Variants in SEZ6L observed in about 807,000 individuals in gnomAD.
SEZ6L encodes seizure related 6 homolog like, also known as seizure 6-like protein.
A neutral mutation model predicts 106.2 loss-of-function variants in SEZ6L; 37 were observed. That is an observed-to-expected ratio of 0.35 (90% CI 0.27 to 0.46). The LOEUF is 0.46. Ranked by LOEUF, SEZ6L falls within the 20% of genes least tolerant of loss-of-function variation. The pLI is 1.00. For missense variants in SEZ6L, 1,172 were observed against 1,332.8 expected, an observed-to-expected ratio of 0.88 and a Z score of 1.88; for synonymous variants, 541 against 570.4, an observed-to-expected ratio of 0.95 and a Z score of 0.73.
At chr22:26,319,687 G>A (rs1437048953) in intron 9 of SEZ6L, among the ~76,000 whole-genome samples, 1 of 152,072 alleles carries the variant, frequency 6.6e-6, no homozygotes, top group Non-Finnish European at 1.5e-5. Flanking sequence ...AACACACTAC[G>A]CATTGTGGTG....
chr22:26,289,320 T>C (rs964749958), intron 1 of SEZ6L, among the ~76,000 whole-genome samples: 14 of 152,320 alleles, frequency 9.2e-5, no homozygotes, highest in Middle Eastern at 3.4e-3. Flanking sequence ...ACATCAATCA[T>C]TTTAGAAAAG....
chr22:26,239,299 T>G (rs996027563), intron 1 of SEZ6L, among the ~76,000 whole-genome samples: 1 of 152,064 alleles, frequency 6.6e-6, no homozygotes, highest in African/African-American at 2.4e-5. Flanking sequence ...AGGTCCCCTA[T>G]CCCCAGCACA....
At chr22:26,349,775 C>T (rs894519519) in intron 11 of SEZ6L, among the ~76,000 whole-genome samples, 4 of 152,290 alleles carry the variant, frequency 2.6e-5, no homozygotes, top group Admixed American at 6.5e-5. Context: ...CATGAGCCAC[C>T]GCACCCAGCA....
intron 2 of SEZ6L, among the ~76,000 whole-genome samples, chr22:26,293,734 C>A (rs688425): frequency 0.26 from 38,968 of 152,164 alleles, 5,739 homozygotes; most frequent in Non-Finnish European, 0.34. Flanking sequence ...CATCTTGGAA[C>A]GGAATTCTTC....
chr22:26,222,329 G>T (rs2078502140), intron 1 of SEZ6L, among the ~76,000 whole-genome samples: 2 of 152,204 alleles, frequency 1.3e-5, no homozygotes, highest in Non-Finnish European at 2.9e-5. Flanking sequence ...GAGGCACAGA[G>T]AGGTTAAGTG....
intron 1 of SEZ6L, among the ~76,000 whole-genome samples, chr22:26,229,242 C>G (rs1032584945): frequency 1.3e-5 from 2 of 152,154 alleles, no homozygotes; most frequent in African/African-American, 4.8e-5. Context: ...GGTGATCCAC[C>G]CGCCTTGGTC....
chr22:26,302,308 T>C (rs1397414125), intron 5 of SEZ6L, among the ~76,000 whole-genome samples: 1 of 152,186 alleles, frequency 6.6e-6, no homozygotes, highest in Non-Finnish European at 1.5e-5. Flanking sequence ...GGGTGACTCA[T>C]ATGCACATTA....
intron 5 of SEZ6L, among the ~76,000 whole-genome samples, chr22:26,304,408 GAAAGAAAGAAAGAAAGAAAGAA>G (rs1160771968): frequency 2.1e-5 from 3 of 143,348 alleles, no homozygotes; most frequent in African/African-American, 5.4e-5. Flanking sequence ...AAGAAAGAAA[GAAAGAAAGAAAGAAAGAAAGAA>G]AAAGAAAGGA....
At chr22:26,221,838 G>A (rs542504879) in intron 1 of SEZ6L, among the ~76,000 whole-genome samples, 2 of 152,196 alleles carry the variant, frequency 1.3e-5, no homozygotes, top group African/African-American at 4.8e-5. Flanking sequence ...CCCAAGTCAA[G>A]AAAGTTTCAT....
intron 1 of SEZ6L, among the ~76,000 whole-genome samples, chr22:26,287,412 G>C (rs1030566259): frequency 6.6e-6 from 1 of 152,094 alleles, no homozygotes; most frequent in Non-Finnish European, 1.5e-5. Flanking sequence ...TTGATTGACC[G>C]CTTTTGAGTA....
At position 26,347,935 on chromosome 22, in the gene SEZ6L, T is replaced by C. The variant is rs989127292; in HGVS notation, c.2407+22T>C. The C allele has an allele frequency of 2.6e-6, 4 of 1,527,542 alleles. No homozygotes were observed. The Admixed American group carries it at 7.1e-5, about 27-fold the overall frequency. The allele number at this position is 1,527,542 out of a possible 1,614,324, so 94.6% of individuals were successfully genotyped here. A position where few individuals can be genotyped will look rare whatever the true frequency, so the allele number is the denominator to read the frequency against. On this transcript the variant is annotated intron_variant, in intron 11 of 16. Transcript: ENST00000248933. ...AAAAGTAAGAGTGGTCTTGTTTCCT[T>C]CCTCTAGGTCCCTGGGTGGCAAATC...
At chr22:26,286,320 G>A (rs2080931785) in intron 1 of SEZ6L, among the ~76,000 whole-genome samples, 2 of 152,096 alleles carry the variant, frequency 1.3e-5, no homozygotes. Context: ...CAATCACCAG[G>A]GGCTAGAGAC....
intron 12 of SEZ6L, among the ~76,000 whole-genome samples, chr22:26,351,958 A>C (rs2083296309): frequency 6.6e-6 from 1 of 152,128 alleles, no homozygotes; most frequent in Non-Finnish European, 1.5e-5. Context: ...CAAGAGTTTG[A>C]GACCAGTCTG....
intron 1 of SEZ6L, among the ~76,000 whole-genome samples, chr22:26,236,542 A>G (rs1325169499): frequency 6.6e-6 from 1 of 152,124 alleles, no homozygotes; most frequent in Non-Finnish European, 1.5e-5. Context: ...GACTTGATTG[A>G]TTGAGGTTGT....
chr22:26,370,839 A>T (rs1327069756), intron 13 of SEZ6L, among the ~76,000 whole-genome samples: 1 of 152,050 alleles, frequency 6.6e-6, no homozygotes, highest in African/African-American at 2.4e-5. Context: ...CCTCATTTCT[A>T]CAAAAAATCA....
chr22:26,233,314 C>T (rs955789190), intron 1 of SEZ6L, among the ~76,000 whole-genome samples: 2 of 152,170 alleles, frequency 1.3e-5, no homozygotes, highest in African/African-American at 4.8e-5. Flanking sequence ...TCATGGGTGG[C>T]GTGATCCCCC....
intron 9 of SEZ6L, among the ~76,000 whole-genome samples, chr22:26,331,670 G>A (rs551922848): frequency 1.9e-4 from 29 of 152,278 alleles, no homozygotes; most frequent in East Asian, 1.5e-3. Flanking sequence ...AAAATGTTAG[G>A]GAGACAAAAT....
Position 26,340,541 on chromosome 22 carries a change from C to T in SEZ6L, c.2121C>T (p.Tyr707=). 6.2e-7 allele frequency: 1 copy of T among 1,614,180 alleles called. No individual in the cohort carries two copies. Among genetic ancestry groups the T allele is most frequent in the East Asian group, 2.2e-5 (1 of 44,872 alleles). ...GGAACAGTGGCCCCCAGAAACTGTA[C>T]TCCTCCACGCCAGACTTAACCATCC... ...YLGNSGPQKL[Y]SSTPDLTIQF... is the part of the protein sequence containing the mutation. Residue 707 remains tyrosine, a synonymous_variant, in exon 10 of 17, where the codon TAC becomes TAT. Coordinates refer to ENST00000248933, the MANE Select transcript of SEZ6L (RefSeq NM_021115.5).
intron 9 of SEZ6L, among the ~76,000 whole-genome samples, chr22:26,334,327 T>C (rs2331246): frequency 0.27 from 41,583 of 152,098 alleles, 6,557 homozygotes; most frequent in Admixed American, 0.42. Flanking sequence ...TCTGCCTTCT[T>C]TCTCTGTGGA....
Sources: allele counts gnomAD v4.1 joint callset (sites outside exome capture counted in the v4.1 genomes callset), GRCh38; gene constraint gnomAD v4.1.1; transcripts MANE v1.5; gene names NCBI Gene and HGNC (gene_info 2026-07-23, HGNC 2026-07-21).